The following DNAJC6 variants were observed in gnomAD, a reference collection of about 807,000 sequenced individuals.
DNAJC6 encodes auxilin.
In DNAJC6, 34 loss-of-function variants were observed where a neutral mutation model predicts 110.0. The observed-to-expected ratio is 0.31, with a 90% CI of 0.24 to 0.41. The LOEUF (loss-of-function observed/expected upper bound fraction) is 0.41. Among genes scored for constraint, DNAJC6 ranks in the 10% least tolerant of loss-of-function variants. The probability of loss-of-function intolerance (pLI) is 1.00; values close to 1 mark genes in which losing one functional copy is unlikely to be tolerated. For missense variants in DNAJC6, 1,031 were observed against 1,207.8 expected (o/e 0.85, Z 2.17); for synonymous variants, 406 against 437.2 (o/e 0.93, Z 0.89).
At chr1:65,328,755 T>C (rs920578016) in intron 1 of DNAJC6, among the ~76,000 whole-genome samples, 3 of 152,222 alleles carry the variant, frequency 2.0e-5, no homozygotes, top group African/African-American at 7.2e-5. Context: ...GGGAAGGACT[T>C]AGCAGTCTTC....
At chr1:65,410,476 T>A (rs966113692) in intron 17 of DNAJC6, among the ~76,000 whole-genome samples, 1 of 152,206 alleles carries the variant, frequency 6.6e-6, no homozygotes, top group Non-Finnish European at 1.5e-5. Flanking sequence ...AAGAAAGCTG[T>A]TTATTTCATT....
intron 13 of DNAJC6, 143 bp downstream of exon 13, chr1:65,395,175 C>CCTTAT (rs1645964877): frequency 5.5e-6 from 5 of 913,492 alleles, no homozygotes; most frequent in Non-Finnish European, 7.8e-6. Flanking sequence ...TAACAACTCA[C>CCTTAT]CTTAACATAT....
intron 1 of DNAJC6, among the ~76,000 whole-genome samples, chr1:65,266,747 G>GA (rs759134980): frequency 7.6e-4 from 115 of 151,960 alleles, no homozygotes; most frequent in Non-Finnish European, 1.3e-3. Context: ...ACATGATTTA[G>GA]AAAAAAAATT....
chr1:65,384,507 A>C (rs558446711), intron 6 of DNAJC6, among the ~76,000 whole-genome samples, 181 bp downstream of exon 6: 2 of 152,244 alleles, frequency 1.3e-5, no homozygotes, highest in African/African-American at 4.8e-5. Context: ...AAAGAGTTTC[A>C]ATGGATTCAC....
At chr1:65,383,184 G>T (rs149679586) in intron 5 of DNAJC6, among the ~76,000 whole-genome samples, 1 of 152,192 alleles carries the variant, frequency 6.6e-6, no homozygotes, top group East Asian at 1.9e-4. Context: ...GGTCACATCT[G>T]TCAGGGATGT....
intron 1 of DNAJC6, among the ~76,000 whole-genome samples, chr1:65,271,029 T>C (rs532019966): frequency 6.6e-6 from 1 of 152,302 alleles, no homozygotes; most frequent in Admixed American, 6.5e-5. Flanking sequence ...ACAATCTTCC[T>C]AGCATAACTG....
chr1:65,289,376 T>C (rs1654124017), intron 1 of DNAJC6, among the ~76,000 whole-genome samples: 2 of 152,116 alleles, frequency 1.3e-5, no homozygotes, highest in South Asian at 2.1e-4. Flanking sequence ...TTTGTATTTT[T>C]AGTAGAGACG....
chr1:65,392,973 G>A (rs1645943717), intron 12 of DNAJC6, 108 bp downstream of exon 12: 2 of 1,082,566 alleles, frequency 1.8e-6, no homozygotes, highest in Non-Finnish European at 2.5e-6. Flanking sequence ...TGATTTCACT[G>A]TAAGTCCTTT....
At chr1:65,321,782 C>T (rs184543214) in intron 1 of DNAJC6, among the ~76,000 whole-genome samples, 1 of 152,268 alleles carries the variant, frequency 6.6e-6, no homozygotes, top group East Asian at 1.9e-4. Flanking sequence ...GAACTCAGGT[C>T]TTCTGCCATA....
chr1:65,266,676 A>T lies in DNAJC6; in HGVS notation c.-131+1744A>T, dbSNP rs1003988995. Among the ~76,000 whole-genome samples, 4 of 152,004 alleles carry T rather than the reference A, an allele frequency of 2.6e-5. No homozygotes were observed. In the East Asian group the frequency reaches 7.7e-4, roughly 29 times the overall value. On this transcript the variant is annotated intron_variant, in intron 1 of 19. Transcript: ENST00000263441. ...TTCCTGTGTTGTTTTCAGTGGTTGG[A>T]GAAAGGGTTTCTGGAGAGAAAAAAA...
chr1:65,277,760 G>A (rs968916463), intron 1 of DNAJC6, among the ~76,000 whole-genome samples: 1 of 152,222 alleles, frequency 6.6e-6, no homozygotes, highest in Non-Finnish European at 1.5e-5. Flanking sequence ...AAGGTGGCCA[G>A]AGTCTTGAGA....
chr1:65,365,557 T>C (rs548135724), intron 2 of DNAJC6, among the ~76,000 whole-genome samples: 10 of 152,316 alleles, frequency 6.6e-5, no homozygotes, highest in African/African-American at 2.2e-4. Flanking sequence ...CTTACAATTA[T>C]GGAAGATATT....
At chr1:65,367,292 C>G (rs373654304) in intron 4 of DNAJC6, among the ~76,000 whole-genome samples, 23 of 152,262 alleles carry the variant, frequency 1.5e-4, no homozygotes, top group African/African-American at 5.5e-4. Context: ...GGGGACCACT[C>G]TTTGATAAAG....
chr1:65,390,205 A>G (rs1645913404), intron 11 of DNAJC6, among the ~76,000 whole-genome samples: 1 of 152,088 alleles, frequency 6.6e-6, no homozygotes, highest in African/African-American at 2.4e-5. Flanking sequence ...AATAAGTGTG[A>G]TTTGTTTATG....
At chr1:65,363,362 C>T (rs1382613213) in intron 1 of DNAJC6, among the ~76,000 whole-genome samples, 1 of 152,134 alleles carries the variant, frequency 6.6e-6, no homozygotes, top group African/African-American at 2.4e-5. Flanking sequence ...AGAGCAGCCA[C>T]AGTCTCCAAC....
chr1:65,326,889 C>T (rs796853892), intron 1 of DNAJC6, among the ~76,000 whole-genome samples: 35 of 152,270 alleles, frequency 2.3e-4, no homozygotes, highest in African/African-American at 7.7e-4. Context: ...TATTTGTGTG[C>T]GTCTCATCCA....
rs1321601587 is a variant in DNAJC6 at position 65,415,240 on chromosome 1, A to G, written c.*2215A>G. On this transcript the variant is annotated 3_prime_UTR_variant, in exon 19 of 19. Coordinates refer to ENST00000371069, the MANE Select transcript of DNAJC6 (RefSeq NM_001256864.2). The stretch of plus-strand genomic sequence containing the variant: ...TGTTACAACAAAATGTGATTGGTCT[A>G]AAATATTTGTAATGTATATTAAAAG... 1.3e-5 allele frequency: 2 copies of G among 152,230 alleles called. No individual in the cohort carries two copies. Among genetic ancestry groups the G allele is most frequent in the African/African-American group, 2.4e-5 (1 of 41,456 alleles). The allele number at this position is 152,230 out of a possible 1,614,324, so 9.4% of individuals were successfully genotyped here. A position where few individuals can be genotyped will look rare whatever the true frequency, so the allele number is the denominator to read the frequency against.
intron 1 of DNAJC6, among the ~76,000 whole-genome samples, chr1:65,267,955 C>T (rs533162258): frequency 2.0e-5 from 3 of 151,794 alleles, no homozygotes; most frequent in African/African-American, 7.3e-5. Flanking sequence ...ATTCCTGGGT[C>T]CCAAATTACC....
intron 4 of DNAJC6, among the ~76,000 whole-genome samples, chr1:65,374,174 G>T (rs1645736733): frequency 2.6e-5 from 4 of 152,094 alleles, no homozygotes; most frequent in Non-Finnish European, 5.9e-5. Flanking sequence ...TGCTGTTTTG[G>T]TTACGGTAGC....
Sources: allele counts gnomAD v4.1 joint callset (sites outside exome capture counted in the v4.1 genomes callset), GRCh38; gene constraint gnomAD v4.1.1; transcripts MANE v1.5; gene names NCBI Gene and HGNC (gene_info 2026-07-23, HGNC 2026-07-21).